The following SRPK2 variants were observed in gnomAD, a reference collection of about 807,000 sequenced individuals.
SRPK2 encodes the protein SFRS protein kinase 2.
SRPK2 carries 21 observed loss-of-function variants against 90.8 expected under a neutral mutation model. The observed-to-expected ratio is 0.23, with a 90% CI of 0.16 to 0.33. The LOEUF is 0.33. SRPK2 is among the 10% of genes least tolerant of loss of function. SRPK2 has a pLI of 1.00. For missense variants in SRPK2, 620 were observed against 869.0 expected, an observed-to-expected ratio of 0.71 and a Z score of 3.60; for synonymous variants, 288 against 311.1, an observed-to-expected ratio of 0.93 and a Z score of 0.78.
At chr7:105,145,535 T>C (rs1443566319) in intron 8 of SRPK2, among the ~76,000 whole-genome samples, 4 of 152,182 alleles carry the variant, frequency 2.6e-5, no homozygotes, top group African/African-American at 9.7e-5. Context: ...ACTGAGCCAT[T>C]TCTCTTATTT....
chr7:105,241,963 C>A (rs1344412345), intron 2 of SRPK2, among the ~76,000 whole-genome samples: 2 of 151,952 alleles, frequency 1.3e-5, no homozygotes, highest in East Asian at 3.9e-4. Flanking sequence ...TACAGTCTGC[C>A]ATATTCTACC....
intron 2 of SRPK2, among the ~76,000 whole-genome samples, chr7:105,327,875 A>G (rs746877693): frequency 6.6e-5 from 10 of 152,204 alleles, no homozygotes; most frequent in African/African-American, 2.4e-4. Context: ...ATCCCGGCTC[A>G]CTGCAAGCTC....
intron 2 of SRPK2, among the ~76,000 whole-genome samples, chr7:105,350,948 T>C (rs1305344760): frequency 3.3e-5 from 5 of 152,308 alleles, no homozygotes; most frequent in Non-Finnish European, 7.3e-5. Context: ...GAGCCTATCT[T>C]ACGCGCTTTA....
At chr7:105,389,411 C>G (rs758055967), upstream of SRPK2, 574 of 1,232,108 alleles carry the variant, frequency 4.7e-4, 1 homozygote, top group Non-Finnish European at 5.8e-4. Flanking sequence ...GGAAAGGGCA[C>G]ACGACCAAAA....
intron 2 of SRPK2, among the ~76,000 whole-genome samples, chr7:105,343,495 T>G (rs1276156011): frequency 6.6e-6 from 1 of 151,922 alleles, no homozygotes; most frequent in Non-Finnish European, 1.5e-5. Flanking sequence ...AGTAATGGAG[T>G]CTTTGACATA....
At chr7:105,319,188 A>G (rs962538640) in intron 2 of SRPK2, among the ~76,000 whole-genome samples, 1 of 152,222 alleles carries the variant, frequency 6.6e-6, no homozygotes, top group East Asian at 1.9e-4. Context: ...AATGTAACAC[A>G]CTATTTTTAA....
At chr7:105,196,166 A>G (rs1045441681) in intron 3 of SRPK2, among the ~76,000 whole-genome samples, 1 of 152,216 alleles carries the variant, frequency 6.6e-6, no homozygotes, top group East Asian at 1.9e-4. Flanking sequence ...GCCTTATGTA[A>G]TAGGTTCAAG....
At chr7:105,374,862 C>A (rs1205613392) in intron 2 of SRPK2, among the ~76,000 whole-genome samples, 1 of 152,158 alleles carries the variant, frequency 6.6e-6, no homozygotes, top group Non-Finnish European at 1.5e-5. Flanking sequence ...CCGCCTCGGC[C>A]TCCCAAACTG....
intron 3 of SRPK2, among the ~76,000 whole-genome samples, chr7:105,169,679 G>A (rs886786549): frequency 1.3e-5 from 2 of 152,170 alleles, no homozygotes; most frequent in Admixed American, 6.5e-5. Context: ...ATGAGCCTGA[G>A]TGAAAAGTGT....
chr7:105,292,947 T>C (rs1262905452), intron 2 of SRPK2, among the ~76,000 whole-genome samples: 1 of 152,154 alleles, frequency 6.6e-6, no homozygotes, highest in Non-Finnish European at 1.5e-5. Flanking sequence ...CTTTCCCAAG[T>C]GATTAGCTCT....
intron 15 of SRPK2, among the ~76,000 whole-genome samples, chr7:105,121,934 A>G (rs1800439054): frequency 6.6e-6 from 1 of 152,256 alleles, no homozygotes; most frequent in South Asian, 2.1e-4. Flanking sequence ...ATCCTGGACT[A>G]TATTTACATG....
intron 2 of SRPK2, among the ~76,000 whole-genome samples, chr7:105,223,941 T>A (rs1798406614): frequency 6.6e-6 from 1 of 152,186 alleles, no homozygotes; most frequent in South Asian, 2.1e-4. Context: ...TCAAGGGTCT[T>A]AAGGAGCAGG....
chr7:105,373,062 C>T (rs750815063), intron 2 of SRPK2, among the ~76,000 whole-genome samples: 1 of 152,116 alleles, frequency 6.6e-6, no homozygotes, highest in Non-Finnish European at 1.5e-5. Context: ...GCTCTCTAGC[C>T]TCAGCGACAA....
chr7:105,329,431 A>C (rs1033629835), intron 2 of SRPK2, among the ~76,000 whole-genome samples: 6 of 152,232 alleles, frequency 3.9e-5, no homozygotes, highest in African/African-American at 1.4e-4. Flanking sequence ...ATGCTGGGAA[A>C]CAAACACAAA....
chr7:105,301,520 C>T (rs955553511), intron 2 of SRPK2: 66 of 1,426,200 alleles, frequency 4.6e-5, no homozygotes, highest in Non-Finnish European at 6.1e-5. Context: ...ACCGGTGTGA[C>T]GAGTGCCAAC....
chr7:105,123,727 C>A (rs552067183), intron 15 of SRPK2, among the ~76,000 whole-genome samples: 4 of 152,052 alleles, frequency 2.6e-5, no homozygotes, highest in Non-Finnish European at 5.9e-5. Context: ...TATCCTGTGA[C>A]TTCTGTAAAA....
chr7:105,210,987 A>G lies in SRPK2; in HGVS notation c.72-7202T>C, dbSNP rs555895403. On this transcript the variant is annotated intron_variant, in intron 2 of 15. Coordinates refer to ENST00000393651, the MANE Select transcript of SRPK2 (RefSeq NM_182692.3). ...TTCTGCCAACAACCAGTGAGCTGGA[A>G]AAGAACTCTGAAGCTCAGATGAGAG... 2.1e-4 allele frequency among the ~76,000 whole-genome samples: 32 copies of G among 152,332 alleles called. No individual in the cohort carries two copies. In the South Asian group the frequency reaches 5.6e-3, roughly 27 times the overall value.
intron 3 of SRPK2, among the ~76,000 whole-genome samples, chr7:105,174,647 A>G (rs546359087): frequency 6.6e-6 from 1 of 152,186 alleles, no homozygotes; most frequent in Non-Finnish European, 1.5e-5. Context: ...GAAGATTTTA[A>G]TATTTCCTTC....
intron 2 of SRPK2, among the ~76,000 whole-genome samples, chr7:105,204,240 C>A (rs1009454973): frequency 1.3e-5 from 2 of 152,318 alleles, no homozygotes; most frequent in East Asian, 1.9e-4. Flanking sequence ...AATGAGAATT[C>A]TTTTCCCATA....
Sources: gnomAD v4.1 joint callset for allele counts (sites outside exome capture counted in the v4.1 genomes callset) on GRCh38, gnomAD v4.1.1 for gene constraint, MANE v1.5 for transcripts, NCBI Gene and HGNC (gene_info 2026-07-23, HGNC 2026-07-21) for gene names.